The following SEC22A variants were observed in gnomAD, a reference collection of about 807,000 sequenced individuals.
The protein encoded by SEC22A is SEC22 homolog A, vesicle trafficking protein, also known as vesicle-trafficking protein SEC22a.
Under a neutral mutation model 35.3 loss-of-function variants are expected in SEC22A, and 22 were observed. That is an observed-to-expected ratio of 0.62 (90% CI 0.45 to 0.89). The LOEUF (loss-of-function observed/expected upper bound fraction) is 0.89. SEC22A is among the 40% of genes least tolerant of loss of function. The probability of loss-of-function intolerance (pLI) is 0.00; values close to 1 mark genes in which losing one functional copy is unlikely to be tolerated. For synonymous variants in SEC22A, 119 were observed against 129.5 expected (o/e 0.92, Z 0.55); for missense variants, 354 against 362.5 (o/e 0.98, Z 0.19).
intron 4 of SEC22A, among the ~76,000 whole-genome samples, chr3:123,227,084 C>T (rs1408306666): frequency 6.6e-6 from 1 of 152,152 alleles, no homozygotes; most frequent in Non-Finnish European, 1.5e-5. Context: ...CCTCCCATCC[C>T]AAAGAAGGAA....
At position 123,230,698 on chromosome 3, in the gene SEC22A, G is replaced by GA. The variant is rs1559756237; in HGVS notation, c.541+5401_541+5402insA. On this transcript the variant is annotated intron_variant, in intron 4 of 6. Coordinates refer to ENST00000492595, the MANE Select transcript of SEC22A (RefSeq NM_012430.5). ...CCGTACTACCAAATATTCACTTCATGCAAAAAAAAAAAAAAAAAAAAAAGT... is the reference window on the plus strand; with the variant it reads ...CCGTACTACCAAATATTCACTTCATGACAAAAAAAAAAAAAAAAAAAAAAGT... 6.0e-3 allele frequency among the ~76,000 whole-genome samples: 314 copies of GA among 52,750 alleles called. 1 individual carries two copies. The highest frequency in any genetic ancestry group is 0.032 in the African/African-American group (283 of 8,796). The allele number at this position is 52,750 out of a possible 152,430, so 34.6% of individuals were successfully genotyped here.
At chr3:123,249,955 A>T (rs62262609) in intron 5 of SEC22A, among the ~76,000 whole-genome samples, 29,879 of 152,176 alleles carry the variant, frequency 0.2, 3,040 homozygotes, top group Middle Eastern at 0.27. Context: ...TAGCATGTTT[A>T]TTTACAAGGG....
chr3:123,215,171 C>T (rs1381241464), intron 2 of SEC22A, among the ~76,000 whole-genome samples: 1 of 152,200 alleles, frequency 6.6e-6, no homozygotes, highest in African/African-American at 2.4e-5. Context: ...TTTCCATTGC[C>T]AGGGGCAGAC....
chr3:123,213,374 A>G (rs1936972207), intron 2 of SEC22A, among the ~76,000 whole-genome samples: 1 of 152,238 alleles, frequency 6.6e-6, no homozygotes, highest in Non-Finnish European at 1.5e-5. Flanking sequence ...AGTTTGCTAG[A>G]TAAAACTCAC....
chr3:123,262,711 T>C (rs1453695986), intron 6 of SEC22A, among the ~76,000 whole-genome samples: 2 of 152,234 alleles, frequency 1.3e-5, no homozygotes, highest in Non-Finnish European at 2.9e-5. Context: ...AAGTTAATTG[T>C]ATTAAATACA....
intron 4 of SEC22A, among the ~76,000 whole-genome samples, chr3:123,229,888 A>G (rs1324610450): frequency 6.6e-6 from 1 of 151,538 alleles, no homozygotes; most frequent in Non-Finnish European, 1.5e-5. Context: ...TAATAATAAT[A>G]ATGGAAATTC....
chr3:123,263,534 T>G (rs1937941814), intron 6 of SEC22A, among the ~76,000 whole-genome samples: 1 of 152,354 alleles, frequency 6.6e-6, no homozygotes, highest in African/African-American at 2.4e-5. Flanking sequence ...GTTGTTTTTT[T>G]GGGACGGAGT....
intron 5 of SEC22A, among the ~76,000 whole-genome samples, chr3:123,249,351 G>A (rs1425105584): frequency 6.6e-6 from 1 of 152,098 alleles, no homozygotes. Context: ...GAGGGTGGGA[G>A]TAGGACTTAA....
At chr3:123,227,500 A>T (rs1334162683) in intron 4 of SEC22A, among the ~76,000 whole-genome samples, 1 of 152,184 alleles carries the variant, frequency 6.6e-6, no homozygotes, top group Non-Finnish European at 1.5e-5. Flanking sequence ...AGAAATACCT[A>T]ATATAGATGA....
At chr3:123,235,491 TA>T (rs1289606507) in intron 4 of SEC22A, among the ~76,000 whole-genome samples, 1 of 152,170 alleles carries the variant, frequency 6.6e-6, no homozygotes, top group Non-Finnish European at 1.5e-5. Flanking sequence ...TGCCACTTCA[TA>T]TGTATTAGGA....
chr3:123,225,425 C>T (rs774088007), intron 4 of SEC22A, 128 bp downstream of exon 4: 13 of 499,106 alleles, frequency 2.6e-5, no homozygotes, highest in Non-Finnish European at 4.0e-5. Flanking sequence ...AAGTTCAAAG[C>T]AATCCTTTCA....
intron 4 of SEC22A, among the ~76,000 whole-genome samples, chr3:123,238,918 TATAA>T (rs1315117866): frequency 2.0e-5 from 3 of 152,210 alleles, no homozygotes; most frequent in East Asian, 3.8e-4. Context: ...AACAGAATAG[TATAA>T]ATAAACAGAA....
intron 4 of SEC22A, among the ~76,000 whole-genome samples, chr3:123,227,240 CT>C (rs1309240485): frequency 2.0e-5 from 3 of 151,906 alleles, no homozygotes; most frequent in Non-Finnish European, 4.4e-5. Context: ...AAAAAACTTC[CT>C]TATATAATTG....
At chr3:123,254,828 C>T (rs970965884) in intron 5 of SEC22A, among the ~76,000 whole-genome samples, 1 of 151,960 alleles carries the variant, frequency 6.6e-6, no homozygotes, top group Non-Finnish European at 1.5e-5. Context: ...TGGTGTGCTG[C>T]ACCCATTAAC....
chr3:123,211,333 A>G (rs1936936979), intron 2 of SEC22A, among the ~76,000 whole-genome samples: 1 of 152,168 alleles, frequency 6.6e-6, no homozygotes, highest in Admixed American at 6.5e-5. Flanking sequence ...AGATGAAAAG[A>G]AGGAAGGGGC....
intron 4 of SEC22A, among the ~76,000 whole-genome samples, chr3:123,242,661 G>A (rs1458663639): frequency 6.6e-6 from 1 of 152,174 alleles, no homozygotes; most frequent in East Asian, 1.9e-4. Context: ...AAGAGCATGG[G>A]CTCTGCAGTC....
At position 123,201,979 on chromosome 3, in the gene SEC22A, C is replaced by G. The variant is rs1936748032; in HGVS notation, c.-27C>G. Reference sequence around the variant, plus strand: ...CGTCACTCGGAGCGGCGGGTCCCGTCTCGACAGGTACTCCCCGGCCCCTCC... The same window carrying G: ...CGTCACTCGGAGCGGCGGGTCCCGTGTCGACAGGTACTCCCCGGCCCCTCC... On this transcript the variant is annotated 5_prime_UTR_variant, in exon 1 of 7. Coordinates refer to ENST00000492595, the MANE Select transcript of SEC22A (RefSeq NM_012430.5). 6.6e-6 allele frequency: 1 copy of G among 152,656 alleles called. No individual in the cohort carries two copies. Among genetic ancestry groups the G allele is most frequent in the Admixed American group, 6.5e-5 (1 of 15,280 alleles). The allele number at this position is 152,656 out of a possible 1,614,324, so 9.5% of individuals were successfully genotyped here.
chr3:123,259,923 A>T (rs1181103966), intron 6 of SEC22A, among the ~76,000 whole-genome samples: 1 of 152,050 alleles, frequency 6.6e-6, no homozygotes, highest in African/African-American at 2.4e-5. Flanking sequence ...ACTTGAGGTC[A>T]GGAGTTCAAG....
chr3:123,217,030 T>C (rs1449731419), intron 2 of SEC22A, among the ~76,000 whole-genome samples: 1 of 151,958 alleles, frequency 6.6e-6, no homozygotes, highest in Non-Finnish European at 1.5e-5. Context: ...CATCTCACTT[T>C]GTTGTCTAGG....
Sources: gnomAD v4.1 joint callset for allele counts (sites outside exome capture counted in the v4.1 genomes callset) on GRCh38, gnomAD v4.1.1 for gene constraint, MANE v1.5 for transcripts, NCBI Gene and HGNC (gene_info 2026-07-23, HGNC 2026-07-21) for gene names.